The following SLCO5A1 variants were observed in gnomAD, a reference collection of about 807,000 sequenced individuals.
The protein encoded by SLCO5A1 is solute carrier organic anion transporter family member 5A1.
In SLCO5A1, 39 loss-of-function variants were observed where a neutral mutation model predicts 65.1. The ratio of observed to expected loss-of-function variants is 0.60; its 90% CI spans 0.46 to 0.78. SLCO5A1 has a LOEUF of 0.78. SLCO5A1 is among the 30% of genes least tolerant of loss of function. The pLI, the probability that SLCO5A1 is intolerant of heterozygous loss-of-function variation, is 0.00. For missense variants in SLCO5A1, 1,029 were observed against 1,069.4 expected (o/e 0.96, Z 0.53); for synonymous variants, 438 against 415.7 (o/e 1.05, Z -0.65).
chr8:69,777,581 C>T (rs549945103), intron 2 of SLCO5A1, among the ~76,000 whole-genome samples: 1 of 152,264 alleles, frequency 6.6e-6, no homozygotes, highest in Non-Finnish European at 1.5e-5. Flanking sequence ...CAATTACCCA[C>T]AGCCAATTGC....
Position 69,744,656 on chromosome 8 carries a change from G to A in SLCO5A1, c.1259-6452C>T, listed in dbSNP as rs567638069. Among the ~76,000 whole-genome samples the A allele has an allele frequency of 5.9e-5, 9 of 152,200 alleles. 1 individual carries two copies. The South Asian group carries it at 1.7e-3, about 28-fold the overall frequency. ...ATCTTCAGCTCCCAGCATTCATCTG[G>A]CCTATAGGAGGCACTCAAAAAATAT... On this transcript the variant is annotated intron_variant, in intron 4 of 9. Coordinates refer to ENST00000260126, the MANE Select transcript of SLCO5A1 (RefSeq NM_030958.3).
intron 2 of SLCO5A1, among the ~76,000 whole-genome samples, chr8:69,768,660 C>T (rs982870586): frequency 1.3e-5 from 2 of 152,102 alleles, no homozygotes; most frequent in Non-Finnish European, 2.9e-5. Context: ...AGGAAGAGAG[C>T]GTTCCGGTGT....
chr8:69,803,163 C>A (rs535536994), intron 2 of SLCO5A1, among the ~76,000 whole-genome samples: 2 of 152,292 alleles, frequency 1.3e-5, no homozygotes, highest in East Asian at 3.9e-4. Flanking sequence ...CACCTGTAAT[C>A]CCAGCACTTT....
intron 7 of SLCO5A1, 143 bp downstream of exon 7, chr8:69,682,041 G>T: frequency 1.2e-6 from 1 of 851,428 alleles, no homozygotes; most frequent in Non-Finnish European, 1.8e-6. Flanking sequence ...CTTTCCTCTA[G>T]GTTTTCATCA....
chr8:69,783,512 AT>A (rs1818891358), intron 2 of SLCO5A1, among the ~76,000 whole-genome samples: 1 of 151,878 alleles, frequency 6.6e-6, no homozygotes, highest in Non-Finnish European at 1.5e-5. Flanking sequence ...TTAATTTTAA[AT>A]TTTAATTTTT....
chr8:69,789,377 G>A (rs551235083), intron 2 of SLCO5A1, among the ~76,000 whole-genome samples: 1 of 152,358 alleles, frequency 6.6e-6, no homozygotes, highest in South Asian at 2.1e-4. Context: ...TGATAGGCAA[G>A]ATGTTTTAGC....
intron 5 of SLCO5A1, among the ~76,000 whole-genome samples, chr8:69,712,179 A>G (rs894041372): frequency 6.6e-6 from 1 of 152,206 alleles, no homozygotes; most frequent in African/African-American, 2.4e-5. Context: ...TTTGCTCATA[A>G]AAGGTCTGGG....
intron 4 of SLCO5A1, among the ~76,000 whole-genome samples, chr8:69,754,461 G>A (rs1415872951): frequency 6.6e-6 from 1 of 152,118 alleles, no homozygotes; most frequent in Non-Finnish European, 1.5e-5. Context: ...TGGCCACACT[G>A]TGTACACAGT....
intron 4 of SLCO5A1, among the ~76,000 whole-genome samples, chr8:69,740,147 G>T (rs1294823950): frequency 1.3e-5 from 2 of 151,840 alleles, no homozygotes; most frequent in Admixed American, 6.6e-5. Flanking sequence ...TATCTAAGAA[G>T]AATTAGCAGA....
At chr8:69,692,482 G>A (rs2933066) in intron 6 of SLCO5A1, among the ~76,000 whole-genome samples, 14,379 of 152,058 alleles carry the variant, frequency 0.095, 860 homozygotes, top group South Asian at 0.17. Context: ...TAATAAATTA[G>A]CCTTAGCTTA....
intron 2 of SLCO5A1, among the ~76,000 whole-genome samples, chr8:69,781,534 G>A (rs932337181): frequency 1.3e-5 from 2 of 152,130 alleles, no homozygotes; most frequent in Non-Finnish European, 2.9e-5. Flanking sequence ...AGATAACATT[G>A]GGCATTTGTT....
chr8:69,825,574 G>A (rs1310711615), intron 2 of SLCO5A1, among the ~76,000 whole-genome samples: 1 of 152,130 alleles, frequency 6.6e-6, no homozygotes, highest in Non-Finnish European at 1.5e-5. Context: ...ACTTACAAGG[G>A]ACATAAAGGA....
intron 4 of SLCO5A1, among the ~76,000 whole-genome samples, chr8:69,741,013 T>A (rs1013718046): frequency 6.6e-6 from 1 of 152,098 alleles, no homozygotes; most frequent in Non-Finnish European, 1.5e-5. Context: ...AAAATTTGAG[T>A]CGTCCAATGC....
At chr8:69,830,956 T>G (rs1821125725) in intron 2 of SLCO5A1, among the ~76,000 whole-genome samples, 1 of 152,224 alleles carries the variant, frequency 6.6e-6, no homozygotes, top group Non-Finnish European at 1.5e-5. Context: ...TTGACATTAT[T>G]CAAATTTTTG....
chr8:69,826,795 G>C (rs1820939584), intron 2 of SLCO5A1, among the ~76,000 whole-genome samples: 1 of 152,082 alleles, frequency 6.6e-6, no homozygotes, highest in African/African-American at 2.4e-5. Context: ...TCCCATTACT[G>C]GGTATATACC....
chr8:69,672,991 C>T lies in SLCO5A1; in HGVS notation c.2425G>A (p.Gly809Ser), dbSNP rs779236835. Reference protein sequence around the residue: ...STQGEFHEETGLQKGIQCAAQ... With the variant: ...STQGEFHEETSLQKGIQCAAQ... ...GCGCACTGGATCCCTTTTTGCAGGC[C>T]AGTCTCTTCGTGGAATTCTCCCTGG... Residue 809 changes from glycine to serine, a missense_variant, in exon 10 of 10, where the codon GGC (glycine) becomes AGC (serine). Coordinates refer to ENST00000260126, the MANE Select transcript of SLCO5A1 (RefSeq NM_030958.3). 7 of 1,614,186 alleles carry T rather than the reference C, an allele frequency of 4.3e-6. No homozygotes were observed. Among genetic ancestry groups the T allele is most frequent in the Non-Finnish European group, 5.9e-6 (7 of 1,180,034 alleles).
At chr8:69,725,928 A>AT (rs1232892005) in intron 5 of SLCO5A1, among the ~76,000 whole-genome samples, 1 of 152,138 alleles carries the variant, frequency 6.6e-6, no homozygotes, top group Non-Finnish European at 1.5e-5. Flanking sequence ...AACATATAAT[A>AT]TTTTTTATGA....
At chr8:69,740,515 G>A (rs1436505658) in intron 4 of SLCO5A1, among the ~76,000 whole-genome samples, 1 of 152,172 alleles carries the variant, frequency 6.6e-6, no homozygotes, top group African/African-American at 2.4e-5. Flanking sequence ...ATGATAGACT[G>A]TGTGTGTGTT....
rs775732727 is a variant in SLCO5A1, at chr8:69,673,052, G to C, written c.2364C>G (p.Asp788Glu). 26 of 1,614,214 alleles carry C rather than the reference G, an allele frequency of 1.6e-5. No homozygotes were observed. Among genetic ancestry groups the C allele is most frequent in the Non-Finnish European group, 2.2e-5 (26 of 1,180,038 alleles). The change falls in exon 10 of 10, where the codon GAC becomes GAG. Residue 788 changes from aspartate (D) to glutamate (E), a missense_variant. Physicochemically the swap from Asp to Glu is conservative, Grantham distance 45 (BLOSUM62 2). Coordinates refer to ENST00000260126, the MANE Select transcript of SLCO5A1 (RefSeq NM_030958.3). ...STVSERVGHP[D>E]NARTRSCPAF... ...CTGGGCAAGATCTAGTCCGGGCATT[G>C]TCGGGGTGTCCCACTCTCTCACTCA...
Sources: gnomAD v4.1 joint callset for allele counts (sites outside exome capture counted in the v4.1 genomes callset) on GRCh38, gnomAD v4.1.1 for gene constraint, MANE v1.5 for transcripts, NCBI Gene and HGNC (gene_info 2026-07-23, HGNC 2026-07-21) for gene names.